The following LPP variants were observed in gnomAD, a reference collection of about 807,000 sequenced individuals.
LPP encodes the protein LIM domain containing preferred translocation partner in lipoma, also known as lipoma-preferred partner.
In LPP, 38 loss-of-function variants were observed where a neutral mutation model predicts 60.4. That is an observed-to-expected ratio of 0.63 (90% confidence interval 0.49 to 0.83). The LOEUF (loss-of-function observed/expected upper bound fraction) is 0.83, where lower values mean the gene tolerates loss of function less well. Ranked by LOEUF, LPP falls within the 40% of genes least tolerant of loss-of-function variation. LPP has a pLI of 0.00. For missense variants in LPP, 902 were observed against 783.6 expected (o/e 1.15, Z -1.80); for synonymous variants, 328 against 290.8 (o/e 1.13, Z -1.30).
intron 9 of LPP, among the ~76,000 whole-genome samples, chr3:188,837,512 G>A (rs190154574): frequency 3.4e-4 from 52 of 151,986 alleles, no homozygotes; most frequent in Admixed American, 7.9e-4. Flanking sequence ...TTTGATTTGC[G>A]TTTGGTCAGA....
At chr3:188,454,753 C>G (rs918016301) in intron 4 of LPP, among the ~76,000 whole-genome samples, 1 of 152,106 alleles carries the variant, frequency 6.6e-6, no homozygotes, top group African/African-American at 2.4e-5. Context: ...ATAAACCCAT[C>G]AGATCTCATG....
intron 3 of LPP, among the ~76,000 whole-genome samples, chr3:188,380,745 T>TC (rs1321806056): frequency 6.6e-6 from 1 of 152,242 alleles, no homozygotes. Flanking sequence ...GGTGTATTTT[T>TC]CTCCCCCATA....
At chr3:188,818,516 T>C (rs551036506) in intron 9 of LPP, among the ~76,000 whole-genome samples, 1 of 152,300 alleles carries the variant, frequency 6.6e-6, no homozygotes, top group Admixed American at 6.5e-5. Flanking sequence ...CCATGTCAGT[T>C]GGACAGGTGT....
chr3:188,324,879 C>T (rs1458999180), intron 2 of LPP, among the ~76,000 whole-genome samples: 1 of 152,186 alleles, frequency 6.6e-6, no homozygotes, highest in African/African-American at 2.4e-5. Flanking sequence ...TGGGTGTAAC[C>T]AACCCCATAG....
chr3:188,184,746 A>G (rs73190759), intron 1 of LPP, among the ~76,000 whole-genome samples: 63,861 of 149,454 alleles, frequency 0.43, 15,387 homozygotes, highest in Non-Finnish European at 0.56. Context: ...TTGTAATTCA[A>G]TAAGCATTTG....
chr3:188,692,332 A>G (rs1053881230), intron 7 of LPP, among the ~76,000 whole-genome samples: 3 of 152,242 alleles, frequency 2.0e-5, no homozygotes, highest in East Asian at 3.8e-4. Flanking sequence ...TGAAACAAAC[A>G]AAAAAGAACA....
At chr3:188,433,729 G>C (rs1176532223) in intron 4 of LPP, among the ~76,000 whole-genome samples, 1 of 147,318 alleles carries the variant, frequency 6.8e-6, no homozygotes, top group Non-Finnish European at 1.5e-5. Context: ...CAGAGAGAAA[G>C]AGGAAGGTAT....
intron 7 of LPP, among the ~76,000 whole-genome samples, chr3:188,648,799 G>A (rs552040996): frequency 9.9e-5 from 15 of 152,280 alleles, no homozygotes; most frequent in South Asian, 8.3e-4. Flanking sequence ...GGCACTGGAG[G>A]TTTATTTTTT....
intron 1 of LPP, among the ~76,000 whole-genome samples, chr3:188,205,647 C>T (rs574019630): frequency 6.2e-4 from 94 of 152,246 alleles, no homozygotes; most frequent in Non-Finnish European, 1.1e-3. Context: ...ACCCCATCTA[C>T]GCCATGTGTT....
chr3:188,504,585 ACTGTTACC>A (rs1560490686), intron 5 of LPP, among the ~76,000 whole-genome samples: 2 of 152,080 alleles, frequency 1.3e-5, no homozygotes, highest in Non-Finnish European at 2.9e-5. Context: ...CCCAAGGTTT[ACTGTTACC>A]GTTTGTATTT....
intron 9 of LPP, among the ~76,000 whole-genome samples, chr3:188,818,825 A>G (rs760534176): frequency 1.3e-5 from 2 of 151,842 alleles, no homozygotes; most frequent in South Asian, 4.2e-4. Context: ...GAAGTGCCCA[A>G]CTCCTTGCAA....
chr3:188,176,596 TA>T lies in LPP; in HGVS notation c.-190+22357del, dbSNP rs201845062. 4.3e-3 allele frequency among the ~76,000 whole-genome samples: 625 copies of T among 144,994 alleles called. 10 individuals are homozygous for T. The East Asian group carries it at 0.072, about 17-fold the overall frequency. On this transcript the variant is annotated intron_variant, in intron 1 of 11. Transcript: ENST00000617246. ...TTCCATTAGGCTCTCTTCAGCTAAT[TA>T]AAAAAAAAAAAATCAGTTAACCCAC...
Position 188,886,265 on chromosome 3 carries a change from A to G in LPP, c.*11786A>G, listed in dbSNP as rs1297684576. 6.3e-6 allele frequency: 1 copy of G among 157,796 alleles called. No individual in the cohort carries two copies. Among genetic ancestry groups the G allele is most frequent in the Admixed American group, 6.5e-5 (1 of 15,302 alleles). 9.8% of individuals were successfully genotyped at this position (157,796 alleles called of 1,614,324 possible). A position where few individuals can be genotyped will look rare whatever the true frequency, so the allele number is the denominator to read the frequency against. Reference sequence around the variant, plus strand: ...ATGTATACATATGTAACTAACCTGCACATTGTGCACATGTACCCTAAAACT... The same window carrying G: ...ATGTATACATATGTAACTAACCTGCGCATTGTGCACATGTACCCTAAAACT... On this transcript the variant is annotated 3_prime_UTR_variant, in exon 12 of 12. Coordinates refer to ENST00000617246, the MANE Select transcript of LPP (RefSeq NM_001375462.1).
At chr3:188,746,179 A>AATAT (rs1377949973) in intron 8 of LPP, among the ~76,000 whole-genome samples, 2 of 152,110 alleles carry the variant, frequency 1.3e-5, no homozygotes, top group Non-Finnish European at 2.9e-5. Context: ...GGCACTCCCT[A>AATAT]GTCACCTGTC....
intron 2 of LPP, among the ~76,000 whole-genome samples, chr3:188,249,930 G>A (rs1317320387): frequency 3.4e-5 from 5 of 145,868 alleles, no homozygotes; most frequent in South Asian, 4.3e-4. Context: ...GTATTTCAGA[G>A]TAGGTCACTT....
chr3:188,408,152 A>G (rs1186051971), intron 4 of LPP, among the ~76,000 whole-genome samples: 2 of 152,014 alleles, frequency 1.3e-5, no homozygotes, highest in African/African-American at 2.4e-5. Context: ...TTGTCTCCTA[A>G]CTTTTGGGGA....
At chr3:188,848,796 T>G (rs1312692468) in intron 9 of LPP, among the ~76,000 whole-genome samples, 1 of 152,000 alleles carries the variant, frequency 6.6e-6, no homozygotes, top group Non-Finnish European at 1.5e-5. Flanking sequence ...TGAAACCCCA[T>G]CTCTACTAAA....
chr3:188,689,123 G>A (rs1326808197), intron 7 of LPP, among the ~76,000 whole-genome samples: 1 of 152,172 alleles, frequency 6.6e-6, no homozygotes, highest in Admixed American at 6.5e-5. Flanking sequence ...TGCCTGCTTG[G>A]CTGGAGAGCC....
chr3:188,390,560 C>T (rs1779450384), intron 3 of LPP, among the ~76,000 whole-genome samples: 1 of 151,358 alleles, frequency 6.6e-6, no homozygotes, highest in Non-Finnish European at 1.5e-5. Context: ...AGGCCCTGGC[C>T]TGCAGCCACT....
Sources: gnomAD v4.1 joint callset for allele counts (sites outside exome capture counted in the v4.1 genomes callset) on GRCh38, gnomAD v4.1.1 for gene constraint, MANE v1.5 for transcripts, NCBI Gene and HGNC (gene_info 2026-07-23, HGNC 2026-07-21) for gene names.